GALNT13: variants seen among roughly 807,000 people sequenced by gnomAD.
The protein encoded by GALNT13 is UDP-GalNAc:polypeptide N-acetylgalactosaminyltransferase 13.
A neutral mutation model predicts 64.2 loss-of-function variants in GALNT13; 28 were observed. That is an observed-to-expected ratio of 0.44 (90% CI 0.32 to 0.60). GALNT13 has a LOEUF of 0.60. GALNT13 is among the 20% of genes least tolerant of loss of function. GALNT13 has a pLI of 0.05. For synonymous variants in GALNT13, 214 were observed against 224.6 expected (o/e 0.95, Z 0.42); for missense variants, 577 against 669.8 (o/e 0.86, Z 1.53).
intron 4 of GALNT13, among the ~76,000 whole-genome samples, chr2:154,144,849 A>G (rs888386862): frequency 6.6e-6 from 1 of 151,930 alleles, no homozygotes; most frequent in Admixed American, 6.6e-5. Context: ...GAATGTTTAA[A>G]TATTTATAAA....
chr2:154,315,003 A>T lies in GALNT13; in HGVS notation c.1156+13414A>T, dbSNP rs1398496253. The stretch of plus-strand genomic sequence containing the variant: ...TGACCCAGCTACATATACTCTTAGG[A>T]AAGTGATGCAAGAATGGCTTAAAGA... On this transcript the variant is annotated intron_variant, in intron 9 of 12. Transcript: ENST00000392825. Among the ~76,000 whole-genome samples, 3 of 152,214 alleles carry T rather than the reference A, an allele frequency of 2.0e-5. No individual in the cohort carries two copies. The East Asian group carries it at 5.8e-4, about 29-fold the overall frequency.
chr2:153,738,171 T>G, the GALNT13 span, among the ~76,000 whole-genome samples: 1 of 152,072 alleles, frequency 6.6e-6, no homozygotes, highest in Non-Finnish European at 1.5e-5. Context: ...TTTTAATACA[T>G]GAATTGAATA....
rs1553499133 is a variant in GALNT13, at chr2:154,225,160, T to TGATAGATGATAGATA, written c.312-16863_312-16862insGATAGATAGATAGAT. Reference sequence around the variant, plus strand: ...GATAGATAGATGACAGATAGATAGATGATAGATAGATAGATAGATAGATAG... The same window carrying TGATAGATGATAGATA: ...GATAGATAGATGACAGATAGATAGATGATAGATGATAGATAGATAGATAGATAGATAGATAGATAG... On this transcript the variant is annotated intron_variant, in intron 4 of 12. Coordinates refer to ENST00000392825, the MANE Select transcript of GALNT13 (RefSeq NM_052917.4). Among the ~76,000 whole-genome samples, 536 of 138,010 alleles carry TGATAGATGATAGATA rather than the reference T, an allele frequency of 3.9e-3. 2 individuals carry two copies. The highest frequency in any genetic ancestry group is 0.018 in the Middle Eastern group (5 of 274). The allele number at this position is 138,010 out of a possible 152,430, so 90.5% of individuals were successfully genotyped here. A position where few individuals can be genotyped will look rare whatever the true frequency, so the allele number is the denominator to read the frequency against.
the GALNT13 span, among the ~76,000 whole-genome samples, chr2:153,088,067 A>C: frequency 6.6e-6 from 1 of 150,832 alleles, no homozygotes; most frequent in Non-Finnish European, 1.5e-5. Context: ...TAGACTGTTT[A>C]CTTGTGCTCT....
At chr2:154,291,104 G>A (rs1353224602) in intron 8 of GALNT13, among the ~76,000 whole-genome samples, 2 of 152,100 alleles carry the variant, frequency 1.3e-5, no homozygotes, top group African/African-American at 4.8e-5. Flanking sequence ...ACCTGAGTAG[G>A]TTGCCGCGGC....
chr2:153,644,038 C>G, the GALNT13 span, among the ~76,000 whole-genome samples: 1 of 151,844 alleles, frequency 6.6e-6, no homozygotes, highest in South Asian at 2.1e-4. Context: ...CTTTTCAACA[C>G]TGCTCAGGAG....
the GALNT13 span, among the ~76,000 whole-genome samples, chr2:153,749,161 A>C: frequency 6.6e-6 from 1 of 151,700 alleles, no homozygotes; most frequent in Admixed American, 6.6e-5. Flanking sequence ...TTTTTTTCTG[A>C]GTTGTTTATT....
chr2:153,934,298 C>A (rs1244788259), intron 2 of GALNT13, among the ~76,000 whole-genome samples: 3 of 151,992 alleles, frequency 2.0e-5, no homozygotes. Context: ...TCGGAGATTA[C>A]CAAGTTTAGT....
chr2:153,169,323 T>C, the GALNT13 span, among the ~76,000 whole-genome samples: 14 of 151,888 alleles, frequency 9.2e-5, no homozygotes, highest in Admixed American at 6.6e-5. Context: ...GTTTCAGAGG[T>C]TTTTGATTCA....
chr2:153,322,256 A>T, the GALNT13 span, among the ~76,000 whole-genome samples: 1 of 152,146 alleles, frequency 6.6e-6, no homozygotes, highest in African/African-American at 2.4e-5. Context: ...AAGTGAGAAC[A>T]TGAAGTATTT....
intron 3 of GALNT13, among the ~76,000 whole-genome samples, chr2:154,077,644 G>A (rs1255605344): frequency 3.3e-5 from 5 of 151,426 alleles, no homozygotes; most frequent in African/African-American, 1.2e-4. Flanking sequence ...CACAAATTTT[G>A]TGGCAAGTAG....
At chr2:153,828,699 C>A in the GALNT13 span, among the ~76,000 whole-genome samples, 1 of 152,170 alleles carries the variant, frequency 6.6e-6, no homozygotes, top group Non-Finnish European at 1.5e-5. Context: ...TGGGGATTGA[C>A]GTTGGGCTCC....
the GALNT13 span, among the ~76,000 whole-genome samples, chr2:153,173,047 A>G: frequency 6.6e-6 from 1 of 151,978 alleles, no homozygotes; most frequent in Admixed American, 6.6e-5. Flanking sequence ...TACTGTGAAC[A>G]TTACAAGATA....
chr2:154,244,700 A>C (rs945514402), intron 6 of GALNT13, among the ~76,000 whole-genome samples: 9 of 152,198 alleles, frequency 5.9e-5, no homozygotes, highest in Admixed American at 4.6e-4. Flanking sequence ...AAATAAATGA[A>C]CAGGCATTAG....
At chr2:154,272,583 A>G (rs1691413670) in intron 8 of GALNT13, among the ~76,000 whole-genome samples, 1 of 152,124 alleles carries the variant, frequency 6.6e-6, no homozygotes, top group South Asian at 2.1e-4. Flanking sequence ...ATGGCAATAA[A>G]AACAGCTATA....
the GALNT13 span, among the ~76,000 whole-genome samples, chr2:153,587,657 T>C: frequency 7.9e-4 from 121 of 152,206 alleles, 1 homozygote; most frequent in African/African-American, 2.8e-3. Flanking sequence ...ACCAACAACA[T>C]GTAGGAATTC....
chr2:153,913,053 C>A (rs1203295706), intron 2 of GALNT13, among the ~76,000 whole-genome samples: 6 of 152,072 alleles, frequency 3.9e-5, no homozygotes, highest in African/African-American at 1.2e-4. Flanking sequence ...TGTGTTTATG[C>A]CAGTGTTGGT....
chr2:154,328,821 A>G (rs1574095829), intron 9 of GALNT13, among the ~76,000 whole-genome samples: 1 of 152,152 alleles, frequency 6.6e-6, no homozygotes, highest in Non-Finnish European at 1.5e-5. Flanking sequence ...GTGTAATGTG[A>G]AAATGAGAAG....
At chr2:154,331,601 G>A (rs1695172665) in intron 9 of GALNT13, among the ~76,000 whole-genome samples, 1 of 151,976 alleles carries the variant, frequency 6.6e-6, no homozygotes, top group Admixed American at 6.6e-5. Flanking sequence ...TGCCTGTCAT[G>A]AAATTTTCAT....
Sources: gnomAD v4.1 joint callset for allele counts (sites outside exome capture counted in the v4.1 genomes callset) on GRCh38, gnomAD v4.1.1 for gene constraint, MANE v1.5 for transcripts, NCBI Gene and HGNC (gene_info 2026-07-23, HGNC 2026-07-21) for gene names.